Variants in RASGRP1 observed in about 807,000 individuals in gnomAD.
RASGRP1 encodes the protein RAS guanyl releasing protein 1, also known as RAS guanyl-releasing protein 1.
RASGRP1 carries 37 observed loss-of-function variants against 95.1 expected under a neutral mutation model. The observed-to-expected ratio is 0.39, with a 90% confidence interval of 0.30 to 0.51. The LOEUF (loss-of-function observed/expected upper bound fraction) is 0.51. Among genes scored for constraint, RASGRP1 ranks in the 20% least tolerant of loss-of-function variants. RASGRP1 has a pLI of 0.80. For synonymous variants in RASGRP1, 325 were observed against 353.4 expected, an observed-to-expected ratio of 0.92 and a Z score of 0.90; for missense variants, 711 against 965.4, an observed-to-expected ratio of 0.74 and a Z score of 3.49.
At chr15:38,500,240 C>G (rs1178432585) in intron 13 of RASGRP1, 101 bp from the exon 14 acceptor site, 34 of 1,231,690 alleles carry the variant, frequency 2.8e-5, no homozygotes, top group Non-Finnish European at 3.5e-5. Flanking sequence ...CTCTCTAGCT[C>G]AAGTGGGAAG....
chr15:38,555,019 G>A lies in RASGRP1; in HGVS notation c.220+4802C>T, dbSNP rs147055519. Among the ~76,000 whole-genome samples, 63 of 152,336 alleles carry A rather than the reference G, an allele frequency of 4.1e-4. No homozygotes were observed. In the East Asian group the frequency reaches 0.011, roughly 27 times the overall value. The stretch of plus-strand genomic sequence containing the variant: ...CCTTGGCTTCTGGTCTTATGCTCCT[G>A]TTGCCCTCTGGGCACCTTGCTTTGG... On this transcript the variant is annotated intron_variant, in intron 2 of 16. Coordinates refer to ENST00000310803, the MANE Select transcript of RASGRP1 (RefSeq NM_005739.4).
At chr15:38,517,985 G>C (rs560149512) in intron 5 of RASGRP1, among the ~76,000 whole-genome samples, 1 of 152,246 alleles carries the variant, frequency 6.6e-6, no homozygotes, top group South Asian at 2.1e-4. Context: ...TGCACTTTCA[G>C]TTTTTCATTA....
At chr15:38,495,051 C>T (rs1376449433) in intron 15 of RASGRP1, among the ~76,000 whole-genome samples, 2 of 152,288 alleles carry the variant, frequency 1.3e-5, no homozygotes, top group East Asian at 3.9e-4. Flanking sequence ...GTTGAAGCCC[C>T]TGCCTCAGTG....
Position 38,501,185 on chromosome 15 carries a change from G to T in RASGRP1, c.1641C>A (p.Thr547=). ...CACAAAAAGTGGGCTTCAGGTAGGT[G>T]GTCTCTTGGAAGTTGTGAGGAAAGC... ...GLGFPHNFQE[T]TYLKPTFCDN... is the part of the protein sequence containing the mutation. The change falls in exon 13 of 17, where the codon ACC becomes ACA. Residue 547 remains threonine (T), a synonymous_variant. Transcript: ENST00000310803. 6.2e-7 allele frequency: 1 copy of T among 1,612,526 alleles called. No homozygotes were observed. The highest frequency in any genetic ancestry group is 2.2e-5 in the East Asian group (1 of 44,872).
chr15:38,518,991 C>A (rs970083070), intron 4 of RASGRP1, among the ~76,000 whole-genome samples: 3 of 152,078 alleles, frequency 2.0e-5, no homozygotes, highest in African/African-American at 4.8e-5. Flanking sequence ...TAGTTATATT[C>A]TTTTCTACAT....
chr15:38,552,086 TAAAAC>T (rs1366624762), intron 2 of RASGRP1, among the ~76,000 whole-genome samples: 1 of 152,174 alleles, frequency 6.6e-6, no homozygotes, highest in Non-Finnish European at 1.5e-5. Context: ...AGAGGTGAAT[TAAAAC>T]AATACAAACA....
intron 1 of RASGRP1, 37 bp from the exon 2 acceptor site, chr15:38,560,042 G>T: frequency 6.6e-7 from 1 of 1,520,750 alleles, no homozygotes; most frequent in Non-Finnish European, 9.1e-7. Context: ...GGACAAACGG[G>T]CAGCTCCACG....
At position 38,494,370 on chromosome 15, in the gene RASGRP1, AAAGG is replaced by A; in HGVS notation, c.2259+8_2259+11del. ...GATAGTCTGAAAAAAAGGAAAATGA[AAAGG>A]AAGGTACCTGTTCCAGTTCTTGGTA... On this transcript the variant is annotated splice_region_variant and intron_variant, in intron 16 of 16. Coordinates refer to ENST00000310803, the MANE Select transcript of RASGRP1 (RefSeq NM_005739.4). 1 of 1,613,490 alleles carries A rather than the reference AAAGG, an allele frequency of 6.2e-7. No homozygotes were observed. Among genetic ancestry groups the A allele is most frequent in the East Asian group, 2.2e-5 (1 of 44,858 alleles).
chr15:38,524,042 A>G (rs973316778), intron 3 of RASGRP1: 1 of 152,334 alleles, frequency 6.6e-6, no homozygotes, highest in Middle Eastern at 3.1e-3. Context: ...TGCATATATT[A>G]AAGTCTTAAG....
At chr15:38,493,961 AT>A (rs985084814) in intron 16 of RASGRP1, among the ~76,000 whole-genome samples, 10 of 152,280 alleles carry the variant, frequency 6.6e-5, no homozygotes, top group South Asian at 4.1e-4. Context: ...GGGAAGGAGG[AT>A]TTAGGCAAGT....
chr15:38,560,017 G>C lies in RASGRP1; in HGVS notation c.36-12C>G, dbSNP rs1254184603. Reference sequence around the variant, plus strand: ...CATGGGAAGGTTTCCTGGGGAAAGAGAGAAGGCAGTGAGGGGACAAACGGG... The same window carrying C: ...CATGGGAAGGTTTCCTGGGGAAAGACAGAAGGCAGTGAGGGGACAAACGGG... On this transcript the variant is annotated splice_polypyrimidine_tract_variant and intron_variant, in intron 1 of 16. Coordinates refer to ENST00000310803, the MANE Select transcript of RASGRP1 (RefSeq NM_005739.4). The C allele has an allele frequency of 5.6e-6, 9 of 1,605,448 alleles. No homozygotes were observed. The highest frequency in any genetic ancestry group is 6.8e-6 in the Non-Finnish European group (8 of 1,174,634).
In RASGRP1 at chr15:38,549,176, C is replaced by T. The variant is rs191449520; in HGVS notation, c.220+10645G>A. Among the ~76,000 whole-genome samples, 399 of 152,278 alleles carry T rather than the reference C, an allele frequency of 2.6e-3. 2 individuals are homozygous for T. Among genetic ancestry groups the T allele is most frequent in the Admixed American group, 4.6e-3 (71 of 15,292 alleles). On this transcript the variant is annotated intron_variant, in intron 2 of 16. Transcript: ENST00000310803. The stretch of plus-strand genomic sequence containing the variant: ...CCAGGACTGGAGGTAAATGGTGAAC[C>T]CACCAAGGTAGGTTTGGATGAAGTA...
Position 38,564,794 on chromosome 15 carries a change from G to A in RASGRP1, c.-166C>T. 1 of 448,002 alleles carries A rather than the reference G, an allele frequency of 2.2e-6. No homozygotes were observed. Among genetic ancestry groups the A allele is most frequent in the Non-Finnish European group, 3.2e-6 (1 of 310,626 alleles). 27.8% of individuals were successfully genotyped at this position (448,002 alleles called of 1,614,324 possible). A position where few individuals can be genotyped will look rare whatever the true frequency, so the allele number is the denominator to read the frequency against. ...CGAGCCCGACCGAGGTGCACCGCAG[G>A]CACAAACTTTGTGCGAGCGCGCCCC... On this transcript the variant is annotated 5_prime_UTR_variant, in exon 1 of 17. Transcript: ENST00000310803.
At chr15:38,528,031 TC>T (rs1173275124) in intron 2 of RASGRP1, among the ~76,000 whole-genome samples, 1 of 152,034 alleles carries the variant, frequency 6.6e-6, no homozygotes. Flanking sequence ...CATCTTCCCA[TC>T]CCCAAATCCA....
chr15:38,511,202 T>G (rs1334852408), intron 8 of RASGRP1, among the ~76,000 whole-genome samples: 1 of 152,210 alleles, frequency 6.6e-6, no homozygotes. Context: ...TATCACTATA[T>G]AACTACACTC....
intron 2 of RASGRP1, among the ~76,000 whole-genome samples, chr15:38,551,818 A>C (rs1893349752): frequency 1.3e-5 from 2 of 152,218 alleles, no homozygotes; most frequent in African/African-American, 4.8e-5. Flanking sequence ...GCAAGTGATA[A>C]ATAGGCAAAG....
intron 16 of RASGRP1, among the ~76,000 whole-genome samples, chr15:38,493,881 T>A (rs1890691862): frequency 6.6e-6 from 1 of 152,304 alleles, no homozygotes; most frequent in Middle Eastern, 3.4e-3. Flanking sequence ...TAACTTCTCT[T>A]AGGAAGATGC....
chr15:38,508,273 T>G (rs1238469665), intron 8 of RASGRP1, among the ~76,000 whole-genome samples: 1 of 152,216 alleles, frequency 6.6e-6, no homozygotes, highest in African/African-American at 2.4e-5. Flanking sequence ...CATTTTTATG[T>G]TAAAATTTCC....
At chr15:38,555,698 G>A (rs1173150834) in intron 2 of RASGRP1, among the ~76,000 whole-genome samples, 1 of 152,160 alleles carries the variant, frequency 6.6e-6, no homozygotes, top group Non-Finnish European at 1.5e-5. Flanking sequence ...GCTGTTCTCA[G>A]TATAAAAGAA....
Sources: gnomAD v4.1 joint callset for allele counts (sites outside exome capture counted in the v4.1 genomes callset) on GRCh38, gnomAD v4.1.1 for gene constraint, MANE v1.5 for transcripts, NCBI Gene and HGNC (gene_info 2026-07-23, HGNC 2026-07-21) for gene names.